The following THADA variants were observed in gnomAD, a reference collection of about 807,000 sequenced individuals.
THADA encodes the protein tRNA (32-2'-O)-methyltransferase regulator THADA.
THADA carries 213 observed loss-of-function variants against 219.8 expected under a neutral mutation model. That is an observed-to-expected ratio of 0.97 (90% confidence interval 0.87 to 1.09). The LOEUF (loss-of-function observed/expected upper bound fraction) is 1.09. THADA is among the 50% of genes least tolerant of loss of function. The pLI, the probability that THADA is intolerant of heterozygous loss-of-function variation, is 0.00. For synonymous variants in THADA, 1,018 were observed against 828.9 expected, an observed-to-expected ratio of 1.23 and a Z score of -3.92; for missense variants, 2,956 against 2,311.3, an observed-to-expected ratio of 1.28 and a Z score of -5.72.
At chr2:43,273,276 A>C (rs1293011316) in intron 36 of THADA, among the ~76,000 whole-genome samples, 2 of 152,068 alleles carry the variant, frequency 1.3e-5, no homozygotes, top group African/African-American at 4.8e-5. Flanking sequence ...ACAACAAAAA[A>C]AAAAAAAAGA....
chr2:43,297,733 G>A (rs867539158), intron 31 of THADA, among the ~76,000 whole-genome samples: 5 of 98,890 alleles, frequency 5.1e-5, no homozygotes, highest in Admixed American at 9.3e-5. Context: ...TGGGGGGGTC[G>A]GCCCCCCGCC....
chr2:43,481,024 A>G (rs1363138683), intron 26 of THADA, among the ~76,000 whole-genome samples: 4 of 152,218 alleles, frequency 2.6e-5, no homozygotes, highest in African/African-American at 7.2e-5. Flanking sequence ...TGAGAATTCA[A>G]TTCTTTCCCA....
chr2:43,540,185 T>C (rs1357919642), intron 21 of THADA, among the ~76,000 whole-genome samples: 2 of 152,224 alleles, frequency 1.3e-5, no homozygotes, highest in African/African-American at 4.8e-5. Flanking sequence ...CAGCAATGAC[T>C]GCAAGTAACT....
intron 24 of THADA, among the ~76,000 whole-genome samples, chr2:43,500,044 A>G (rs1393465719): frequency 6.6e-6 from 1 of 152,156 alleles, no homozygotes; most frequent in East Asian, 1.9e-4. Context: ...AAGAGAGAAG[A>G]GAAATAAGGC....
intron 26 of THADA, among the ~76,000 whole-genome samples, chr2:43,431,317 G>T (rs1397292053): frequency 6.6e-6 from 1 of 152,042 alleles, no homozygotes; most frequent in Non-Finnish European, 1.5e-5. Flanking sequence ...CCCCTATCAA[G>T]ACTCAGAAAA....
chr2:43,545,285 A>C (rs1429822235), intron 20 of THADA, among the ~76,000 whole-genome samples: 1 of 151,546 alleles, frequency 6.6e-6, no homozygotes, highest in East Asian at 1.9e-4. Context: ...CCAGTATTTT[A>C]TTGAGGATTT....
chr2:43,249,039 A>G (rs1425318293), intron 36 of THADA, among the ~76,000 whole-genome samples: 1 of 151,316 alleles, frequency 6.6e-6, no homozygotes, highest in Non-Finnish European at 1.5e-5. Context: ...CCCCACTGCC[A>G]CTTCCTTGGT....
chr2:43,493,657 TAA>T (rs1344787840), intron 25 of THADA, among the ~76,000 whole-genome samples: 1 of 152,092 alleles, frequency 6.6e-6, no homozygotes, highest in Non-Finnish European at 1.5e-5. Flanking sequence ...CTGAACATAA[TAA>T]AGAGAGATGA....
At chr2:43,581,481 T>G (rs1700438258) in intron 8 of THADA, among the ~76,000 whole-genome samples, 3 of 150,314 alleles carry the variant, frequency 2.0e-5, no homozygotes, top group African/African-American at 7.4e-5. Flanking sequence ...CATGCAGAGG[T>G]TGCAGTGAAT....
intron 29 of THADA, among the ~76,000 whole-genome samples, chr2:43,347,363 C>T (rs979356211): frequency 6.6e-6 from 1 of 152,192 alleles, no homozygotes; most frequent in Non-Finnish European, 1.5e-5. Flanking sequence ...CCCTCTCTTC[C>T]AGCCCCATTC....
At chr2:43,402,740 C>T (rs1447916153) in intron 28 of THADA, among the ~76,000 whole-genome samples, 1 of 152,162 alleles carries the variant, frequency 6.6e-6, no homozygotes, top group African/African-American at 2.4e-5. Context: ...GACAGAAGAA[C>T]CAGCCAATGA....
rs1674292606 is a variant in THADA at position 43,397,994 on chromosome 2, G to C, written c.4204C>G (p.His1402Asp). 1 of 1,613,906 alleles carries C rather than the reference G, an allele frequency of 6.2e-7. No individual in the cohort carries two copies. The highest frequency in any genetic ancestry group is 8.5e-7 in the Non-Finnish European group (1 of 1,179,818). ...ACCTGGAGAAGTGTCCCATGAATGTGGTTTTGCCGGAAACACTGGTCAGTG... is the reference window on the plus strand; with the variant it reads ...ACCTGGAGAAGTGTCCCATGAATGTCGTTTTGCCGGAAACACTGGTCAGTG... ...SCTDQCFRQN[H>D]IHGTLLQVFH... The change falls in exon 29 of 38, where the codon CAC (histidine) becomes GAC (aspartate). Residue 1402 changes from histidine (H) to aspartate (D), a missense_variant. His to Asp is a moderately conservative substitution (Grantham distance 81). Coordinates refer to ENST00000405975, the MANE Select transcript of THADA (RefSeq NM_022065.5).
intron 28 of THADA, among the ~76,000 whole-genome samples, chr2:43,412,122 C>G (rs1008947623): frequency 6.6e-5 from 10 of 152,114 alleles, no homozygotes; most frequent in African/African-American, 2.4e-4. Flanking sequence ...AAAGTCTTCA[C>G]AGGGGATACA....
intron 31 of THADA, among the ~76,000 whole-genome samples, chr2:43,316,230 T>A (rs1458804731): frequency 2.6e-5 from 4 of 152,158 alleles, no homozygotes; most frequent in Non-Finnish European, 5.9e-5. Context: ...GAAATGATCT[T>A]TCTTTAGTGC....
chr2:43,415,711 C>A (rs1218670050), intron 28 of THADA, among the ~76,000 whole-genome samples: 3 of 152,002 alleles, frequency 2.0e-5, no homozygotes, highest in East Asian at 1.9e-4. Flanking sequence ...GGCTGTGGAG[C>A]CCCCGAGGTT....
At chr2:43,488,461 C>A (rs1687181679) in intron 25 of THADA, among the ~76,000 whole-genome samples, 1 of 152,122 alleles carries the variant, frequency 6.6e-6, no homozygotes, top group African/African-American at 2.4e-5. Context: ...GCTTCTTTCA[C>A]CTAGCATAAT....
At position 43,485,658 on chromosome 2, in the gene THADA, T is replaced by C. The variant is rs141925975; in HGVS notation, c.3745-333A>G. Reference sequence around the variant, plus strand: ...CATTTTTCTATATGCTTCCTGACAATGAAGATTGCAGTAAAACCTCAGCTC... The same window carrying C: ...CATTTTTCTATATGCTTCCTGACAACGAAGATTGCAGTAAAACCTCAGCTC... On this transcript the variant is annotated intron_variant, in intron 25 of 37. Coordinates refer to ENST00000405975, the MANE Select transcript of THADA (RefSeq NM_022065.5). Among the ~76,000 whole-genome samples the C allele has an allele frequency of 3.1e-3, 472 of 152,240 alleles. 4 individuals carry two copies. The highest frequency in any genetic ancestry group is 0.011 in the African/African-American group (459 of 41,536).
intron 29 of THADA, among the ~76,000 whole-genome samples, chr2:43,381,513 T>C (rs886971180): frequency 4.0e-5 from 6 of 151,838 alleles, no homozygotes; most frequent in Non-Finnish European, 8.8e-5. Flanking sequence ...AGAGAAGCTC[T>C]ATAGTGGAGA....
intron 21 of THADA, among the ~76,000 whole-genome samples, chr2:43,537,226 T>G (rs886400037): frequency 1.3e-5 from 2 of 152,264 alleles, no homozygotes; most frequent in African/African-American, 2.4e-5. Flanking sequence ...TGTTTATTCT[T>G]TGCTTTCTAG....
Sources: gnomAD v4.1 joint callset for allele counts (sites outside exome capture counted in the v4.1 genomes callset) on GRCh38, gnomAD v4.1.1 for gene constraint, MANE v1.5 for transcripts, NCBI Gene and HGNC (gene_info 2026-07-23, HGNC 2026-07-21) for gene names.